KATNBL1: variants seen among roughly 807,000 people sequenced by gnomAD.
KATNBL1 encodes katanin regulatory subunit B1 like 1, also known as KATNB1-like protein 1.
Under a neutral mutation model 44.7 loss-of-function variants are expected in KATNBL1, and 28 were observed. The ratio of observed to expected loss-of-function variants is 0.63; its 90% CI spans 0.46 to 0.86. The LOEUF is 0.86. Ranked by LOEUF, KATNBL1 falls within the 40% of genes least tolerant of loss-of-function variation. The pLI is 0.00. For missense variants in KATNBL1, 272 were observed against 350.7 expected (o/e 0.78, Z 1.79); for synonymous variants, 78 against 114.9 (o/e 0.68, Z 2.06).
Position 34,152,947 on chromosome 15 carries a change from C to A in KATNBL1, c.281G>T (p.Gly94Val). The A allele has an allele frequency of 6.2e-7, 1 of 1,614,092 alleles. No individual in the cohort carries two copies. The highest frequency in any genetic ancestry group is 8.5e-7 in the Non-Finnish European group (1 of 1,179,976). The change falls in exon 4 of 10, where the codon GGC becomes GTC. Residue 94 changes from glycine to valine, a missense_variant. Around this residue, in one of 3 missense-constraint regions of KATNBL1, gnomAD observed 122 missense variants for 125.0 expected, o/e 0.98. Transcript: ENST00000256544. ...ATTTTCTTTATTTGCCATGTCACAG[C>A]CCCCACTTCCAGGGGACTGTTTTTT... ...YRKKQSPGSG[G>V]CDMANKENEL...
At chr15:34,198,661 C>G (rs1320262363) in intron 1 of KATNBL1, among the ~76,000 whole-genome samples, 1 of 152,106 alleles carries the variant, frequency 6.6e-6, no homozygotes, top group Non-Finnish European at 1.5e-5. Flanking sequence ...GAACTTATCA[C>G]AAAGAACAAC....
chr15:34,202,779 T>C (rs763245884), intron 1 of KATNBL1, among the ~76,000 whole-genome samples: 2 of 152,060 alleles, frequency 1.3e-5, no homozygotes, highest in Non-Finnish European at 2.9e-5. Flanking sequence ...TTGCCTGAGG[T>C]CCGGAGTTCG....
chr15:34,200,140 C>A, intron 1 of KATNBL1, among the ~76,000 whole-genome samples: 1 of 152,148 alleles, frequency 6.6e-6, no homozygotes, highest in East Asian at 1.9e-4. Flanking sequence ...AAGTCCCCAC[C>A]CAACCCAGAA....
intron 1 of KATNBL1, among the ~76,000 whole-genome samples, chr15:34,184,872 C>T (rs1187126540): frequency 1.3e-5 from 2 of 151,316 alleles, no homozygotes; most frequent in African/African-American, 4.9e-5. Context: ...TGTGACTGGC[C>T]ATGTTTCATT....
At chr15:34,159,546 C>T (rs995004316) in intron 2 of KATNBL1, among the ~76,000 whole-genome samples, 9 of 152,116 alleles carry the variant, frequency 5.9e-5, no homozygotes, top group Non-Finnish European at 1.3e-4. Context: ...TTAAATTTAC[C>T]CTGGCTTTTA....
At chr15:34,177,488 T>C (rs1889369437) in intron 1 of KATNBL1, among the ~76,000 whole-genome samples, 1 of 151,696 alleles carries the variant, frequency 6.6e-6, no homozygotes, top group Admixed American at 6.6e-5. Context: ...CTACTAAAAA[T>C]ATAAAACTAG....
intron 1 of KATNBL1, chr15:34,208,748 G>A (rs1365418112): frequency 6.6e-6 from 1 of 152,246 alleles, no homozygotes; most frequent in African/African-American, 2.4e-5. Context: ...AATGAATGGT[G>A]TGTGAATGAA....
rs529485935 is a variant in KATNBL1, at chr15:34,163,370, G to A, written c.117+190C>T. On this transcript the variant is annotated intron_variant, in intron 2 of 9. Transcript: ENST00000256544. ...GATTAAAAACCTTTTAGAGCTTATA[G>A]AAATAAAATGGTTAAGACCTAACAA... Among the ~76,000 whole-genome samples the A allele has an allele frequency of 5.3e-5, 8 of 151,984 alleles. No homozygotes were observed. The South Asian group carries it at 1.7e-3, about 32-fold the overall frequency.
At chr15:34,142,666 T>C in intron 9 of KATNBL1, 1 of 324,300 alleles carries the variant, frequency 3.1e-6, no homozygotes, top group Non-Finnish European at 5.7e-6. Flanking sequence ...CTGTTTACTA[T>C]CAGTGCTATA....
chr15:34,152,740 T>C, intron 4 of KATNBL1, 50 bp downstream of exon 4: 1 of 1,453,822 alleles, frequency 6.9e-7, no homozygotes, highest in Non-Finnish European at 9.4e-7. Flanking sequence ...AAAATCAAGA[T>C]TATAACAGGA....
chr15:34,172,643 A>G (rs1273583360), intron 1 of KATNBL1, among the ~76,000 whole-genome samples: 1 of 152,174 alleles, frequency 6.6e-6, no homozygotes, highest in African/African-American at 2.4e-5. Flanking sequence ...TTCTTGCCTC[A>G]CAGAGGCTTG....
At chr15:34,201,441 G>A (rs1890174326) in intron 1 of KATNBL1, among the ~76,000 whole-genome samples, 1 of 152,184 alleles carries the variant, frequency 6.6e-6, no homozygotes. Context: ...TGGCTAGGGG[G>A]TGAAGGGAGA....
intron 1 of KATNBL1, among the ~76,000 whole-genome samples, chr15:34,168,884 A>C (rs1889066566): frequency 6.6e-6 from 1 of 152,218 alleles, no homozygotes; most frequent in Non-Finnish European, 1.5e-5. Flanking sequence ...TGTTTTTTGA[A>C]ACCAATGAGA....
chr15:34,148,139 C>T (rs1213183650), intron 5 of KATNBL1, among the ~76,000 whole-genome samples: 3 of 152,156 alleles, frequency 2.0e-5, no homozygotes, highest in African/African-American at 7.2e-5. Context: ...GCAAGAACTG[C>T]CACACCTGGC....
chr15:34,205,629 T>C (rs759149990), intron 1 of KATNBL1, among the ~76,000 whole-genome samples: 2 of 152,182 alleles, frequency 1.3e-5, no homozygotes, highest in Non-Finnish European at 2.9e-5. Context: ...ATTGTAGGAA[T>C]GATGGGTTGT....
At chr15:34,147,464 G>T in intron 5 of KATNBL1, 34 bp from the exon 6 acceptor site, 1 of 1,532,824 alleles carries the variant, frequency 6.5e-7, no homozygotes, top group South Asian at 1.2e-5. Context: ...TTGCCTTAGA[G>T]AGCTGATTTC....
In KATNBL1 at chr15:34,146,868, T is replaced by TA; in HGVS notation, c.699-19dup. The stretch of plus-strand genomic sequence containing the variant: ...TAACATATCTGAAATGACATTTTGT[T>TA]ACAAAATTCAAGTGTTTTCATCTAA... On this transcript the variant is annotated intron_variant, in intron 7 of 9. Coordinates refer to ENST00000256544, the MANE Select transcript of KATNBL1 (RefSeq NM_024713.3). 2 of 1,506,418 alleles carry TA rather than the reference T, an allele frequency of 1.3e-6. No homozygotes were observed. The highest frequency in any genetic ancestry group is 1.8e-6 in the Non-Finnish European group (2 of 1,084,626). The allele number at this position is 1,506,418 out of a possible 1,614,324, so 93.3% of individuals were successfully genotyped here.
intron 1 of KATNBL1, among the ~76,000 whole-genome samples, chr15:34,206,791 C>CA (rs751429482): frequency 0.029 from 3,186 of 110,884 alleles, 40 homozygotes; most frequent in Middle Eastern, 0.083. Flanking sequence ...GACTCCGTCT[C>CA]AAAAAAAAAA....
chr15:34,203,750 C>T (rs1890225460), intron 1 of KATNBL1, among the ~76,000 whole-genome samples: 1 of 152,066 alleles, frequency 6.6e-6, no homozygotes, highest in Non-Finnish European at 1.5e-5. Context: ...TGCAGTAGCA[C>T]GATCTCAGCT....
Sources: gnomAD v4.1 joint callset for allele counts (sites outside exome capture counted in the v4.1 genomes callset) on GRCh38, gnomAD v4.1.1 for gene constraint, gnomAD v4.1.1 regional missense constraint, MANE v1.5 for transcripts, NCBI Gene and HGNC (gene_info 2026-07-23, HGNC 2026-07-21) for gene names.